Variants in HOXD3 observed in about 807,000 individuals in gnomAD.
HOXD3 encodes the protein homeobox protein Hox-D3.
HOXD3 carries 13 observed loss-of-function variants against 32.8 expected under a neutral mutation model. The observed-to-expected ratio is 0.40, with a 90% CI of 0.26 to 0.63. HOXD3 has a LOEUF of 0.63. Ranked by LOEUF, HOXD3 falls within the 20% of genes least tolerant of loss-of-function variation. The pLI, the probability that HOXD3 is intolerant of heterozygous loss-of-function variation, is 0.44. For missense variants in HOXD3, 504 were observed against 577.1 expected (o/e 0.87, Z 1.30); for synonymous variants, 241 against 246.8 (o/e 0.98, Z 0.22).
Position 176,172,242 on chromosome 2 carries a change from C to T in HOXD3, c.1267C>T (p.Leu423=). Residue 423 remains leucine (L), a synonymous_variant, in exon 4 of 4, where the codon CTG becomes TTG. Transcript: ENST00000683222. ...GGCCCACCACTCGTCTCAGGGACGA[C>T]TGCCGGAGGCTCCCAAACTGACGCA... ...LSAHHSSQGR[L]PEAPKLTHL is the part of the protein sequence containing the mutation. The T allele has an allele frequency of 6.2e-7, 1 of 1,605,916 alleles. No homozygotes were observed. The highest frequency in any genetic ancestry group is 1.7e-4 in the Middle Eastern group (1 of 6,054).
At chr2:176,154,227 C>T (rs1011143530), upstream of HOXD3, among the ~76,000 whole-genome samples, 7 of 152,168 alleles carry the variant, frequency 4.6e-5, no homozygotes, top group Admixed American at 6.5e-5. Flanking sequence ...TTCAAGCACT[C>T]GTCTTTGCCT....
chr2:176,156,986 T>C (rs1187977984), upstream of HOXD3, among the ~76,000 whole-genome samples: 1 of 151,966 alleles, frequency 6.6e-6, no homozygotes, highest in Non-Finnish European at 1.5e-5. Context: ...TGCCCACCAA[T>C]ACATCAATAC....
At chr2:176,156,498 C>T (rs1233372733), upstream of HOXD3, among the ~76,000 whole-genome samples, 2 of 152,180 alleles carry the variant, frequency 1.3e-5, no homozygotes, top group Non-Finnish European at 2.9e-5. Flanking sequence ...TGGTCCCCCA[C>T]CCCTAAGGCA....
chr2:176,168,825 G>A (rs972678318), intron 2 of HOXD3, among the ~76,000 whole-genome samples: 6 of 152,136 alleles, frequency 3.9e-5, no homozygotes, highest in African/African-American at 1.4e-4. Context: ...AGTGAGCCAT[G>A]TTCATGCCAC....
upstream of HOXD3, among the ~76,000 whole-genome samples, chr2:176,157,082 G>C (rs1049289559): frequency 1.3e-5 from 2 of 152,234 alleles, no homozygotes; most frequent in South Asian, 2.1e-4. Context: ...AGTAAATCGG[G>C]ACCCTCGGCG....
rs1465989510 is a variant in HOXD3 at position 176,172,456 on chromosome 2, T to A, written c.*182T>A. On this transcript the variant is annotated 3_prime_UTR_variant, in exon 4 of 4. Transcript: ENST00000683222. The stretch of plus-strand genomic sequence containing the variant: ...CGACCGGGCCTCCCCTCCATGGGCG[T>A]CCTTTGGGTGACTCGCCATAAATCA... 1 of 527,262 alleles carries A rather than the reference T, an allele frequency of 1.9e-6. No homozygotes were observed. The highest frequency in any genetic ancestry group is 3.3e-6 in the Non-Finnish European group (1 of 305,464). 32.7% of individuals were successfully genotyped at this position (527,262 alleles called of 1,614,324 possible).
At chr2:176,152,649 A>G, upstream of HOXD3, 1 of 1,614,158 alleles carries the variant, frequency 6.2e-7, no homozygotes, top group Non-Finnish European at 8.5e-7. This position sits in a 1 kb window ranked among gnomAD's most constrained non-coding sequence, Gnocchi z 5.2. Flanking sequence ...GCGGTCCCGA[A>G]CGGCCTACAC....
At chr2:176,152,735 C>G (rs1163359030), upstream of HOXD3, 1 of 1,614,172 alleles carries the variant, frequency 6.2e-7, no homozygotes, top group Admixed American at 1.7e-5. The surrounding 1 kb of genome is among the most constrained non-coding windows in gnomAD (Gnocchi z 5.2). Context: ...GGATTGAAAT[C>G]GCTCACACCC....
At chr2:176,156,889 A>G (rs1179265135), upstream of HOXD3, among the ~76,000 whole-genome samples, 1 of 152,194 alleles carries the variant, frequency 6.6e-6, no homozygotes, top group Non-Finnish European at 1.5e-5. Flanking sequence ...GGACATGTGT[A>G]TTTATAAGTG....
chr2:176,153,315 G>A, upstream of HOXD3: 1 of 256,960 alleles, frequency 3.9e-6, no homozygotes. Flanking sequence ...ACCCCTCCAG[G>A]GTGCTTTGTG....
At chr2:176,152,571 G>A, upstream of HOXD3, 1 of 1,564,104 alleles carries the variant, frequency 6.4e-7, no homozygotes, top group African/African-American at 1.4e-5. The surrounding 1 kb of genome is among the most constrained non-coding windows in gnomAD (Gnocchi z 5.2). Flanking sequence ...TAGTGGCCGG[G>A]CGCTGACCTG....
At chr2:176,152,714 A>G (rs1411848294), upstream of HOXD3, 1 of 1,614,092 alleles carries the variant, frequency 6.2e-7, no homozygotes, top group Non-Finnish European at 8.5e-7. This position sits in a 1 kb window ranked among gnomAD's most constrained non-coding sequence, Gnocchi z 5.2. Flanking sequence ...GGTATCTGAC[A>G]AGGCGCCGTC....
At chr2:176,157,996 T>C (rs1185997995) in intron 1 of HOXD3, among the ~76,000 whole-genome samples, 2 of 152,176 alleles carry the variant, frequency 1.3e-5, no homozygotes, top group Admixed American at 6.5e-5. Flanking sequence ...TGCGTCATAA[T>C]AGAAGGCTAT....
intron 1 of HOXD3, among the ~76,000 whole-genome samples, chr2:176,163,582 C>T (rs911574770): frequency 6.6e-6 from 1 of 152,148 alleles, no homozygotes; most frequent in Non-Finnish European, 1.5e-5. Context: ...TTCACTGAGG[C>T]TCTGTAGAGC....
chr2:176,159,538 T>A (rs2105432438), intron 1 of HOXD3, among the ~76,000 whole-genome samples: 1 of 152,214 alleles, frequency 6.6e-6, no homozygotes, highest in East Asian at 1.9e-4. Flanking sequence ...GGGGACAGGG[T>A]GGAGAGTTCC....
rs1691232787 is a variant in HOXD3, at chr2:176,172,544, T to C, written c.*270T>C. The C allele has an allele frequency of 2.1e-6, 1 of 485,800 alleles. No individual in the cohort carries two copies. Among genetic ancestry groups the C allele is most frequent in the Non-Finnish European group, 3.6e-6 (1 of 275,570 alleles). 30.1% of individuals were successfully genotyped at this position (485,800 alleles called of 1,614,324 possible). On this transcript the variant is annotated 3_prime_UTR_variant, in exon 4 of 4. Transcript: ENST00000683222. Reference sequence around the variant, plus strand: ...CATACTGCGGACCAAGGGACTCCAATCTGGTAATGGTGTCCCAAAGGTAAG... The same window carrying C: ...CATACTGCGGACCAAGGGACTCCAACCTGGTAATGGTGTCCCAAAGGTAAG...
chr2:176,153,368 C>T, upstream of HOXD3: 1 of 204,220 alleles, frequency 4.9e-6, no homozygotes, highest in Non-Finnish European at 1.0e-5. Context: ...TTGGCCACCC[C>T]TGTGCTAGGT....
intron 1 of HOXD3, among the ~76,000 whole-genome samples, chr2:176,161,979 G>T (rs961379818): frequency 6.6e-6 from 1 of 152,210 alleles, no homozygotes; most frequent in Admixed American, 6.5e-5. Flanking sequence ...AGGAGCTCCA[G>T]TGAGTGGTTC....
At chr2:176,163,560 G>C (rs185367056) in intron 1 of HOXD3, among the ~76,000 whole-genome samples, 4 of 152,136 alleles carry the variant, frequency 2.6e-5, no homozygotes, top group African/African-American at 9.7e-5. Flanking sequence ...AGGAACTAGC[G>C]CCCAGGTCCT....
Sources: allele counts gnomAD v4.1 joint callset (sites outside exome capture counted in the v4.1 genomes callset), GRCh38; gene constraint gnomAD v4.1.1; non-coding constraint Gnocchi (gnomAD v3.1); transcripts MANE v1.5; gene names NCBI Gene and HGNC (gene_info 2026-07-23, HGNC 2026-07-21).